The following RYR2 variants were observed in gnomAD, a reference collection of about 807,000 sequenced individuals.
RYR2 encodes ryanodine receptor 2.
In RYR2, 227 loss-of-function variants were observed where a neutral mutation model predicts 601.1. The ratio of observed to expected loss-of-function variants is 0.38; its 90% confidence interval spans 0.34 to 0.42. The LOEUF (loss-of-function observed/expected upper bound fraction) is 0.42. Ranked by LOEUF, RYR2 falls within the 10% of genes least tolerant of loss-of-function variation. The pLI is 1.00. For missense variants in RYR2, 4,646 were observed against 6,156.5 expected, an observed-to-expected ratio of 0.75 and a Z score of 8.21; for synonymous variants, 2,223 against 2,175.1, an observed-to-expected ratio of 1.02 and a Z score of -0.61.
chr1:237,167,613 T>A (rs1227676979), intron 1 of RYR2, among the ~76,000 whole-genome samples: 1 of 152,058 alleles, frequency 6.6e-6, no homozygotes, highest in Admixed American at 6.6e-5. Context: ...CTTTAAAAAA[T>A]TTTTTTGGAA....
At chr1:237,461,164 A>G (rs1448999672) in intron 16 of RYR2, among the ~76,000 whole-genome samples, 1 of 152,230 alleles carries the variant, frequency 6.6e-6, no homozygotes, top group Admixed American at 6.5e-5. Context: ...CTTTATCACT[A>G]TCCCCAGACT....
chr1:237,745,183 A>G (rs1219681679), intron 80 of RYR2, among the ~76,000 whole-genome samples: 1 of 152,158 alleles, frequency 6.6e-6, no homozygotes, highest in South Asian at 2.1e-4. Context: ...TTCAAAATGT[A>G]AATCATGTAT....
chr1:237,648,943 A>G (rs911164955), intron 49 of RYR2, among the ~76,000 whole-genome samples: 1 of 152,240 alleles, frequency 6.6e-6, no homozygotes, highest in African/African-American at 2.4e-5. Context: ...TCTGTTCAGT[A>G]TCAACTTCCA....
chr1:237,591,169 TCCTCCTCCCCCTTCTCCTCCTCCCCCTTC>T (rs1675146429), intron 31 of RYR2, among the ~76,000 whole-genome samples, 177 bp downstream of exon 31: 1 of 3,946 alleles, frequency 2.5e-4, no homozygotes, highest in Non-Finnish European at 1.5e-3. Flanking sequence ...TTCCCCCTTC[TCCTCCTCCCCCTTCTCCTCCTCCCCCTTC>T]TCCTCCTCCC....
chr1:237,622,941 C>G (rs1201412409), intron 38 of RYR2, among the ~76,000 whole-genome samples: 1 of 152,132 alleles, frequency 6.6e-6, no homozygotes, highest in African/African-American at 2.4e-5. Context: ...CTTCCGGCCC[C>G]AAGCATTTCA....
chr1:237,792,358 TGTGTGTGTGTGTGTGTGTGTGTGC>T (rs753096298), intron 94 of RYR2, 35 bp downstream of exon 94: 48 of 708,100 alleles, frequency 6.8e-5, no homozygotes, highest in African/African-American at 5.5e-4. Context: ...CCTGTGTGTG[TGTGTGTGTGTGTGTGTGTGTGTGC>T]GTGTGTGTGT....
intron 2 of RYR2, among the ~76,000 whole-genome samples, chr1:237,313,960 T>G (rs1255890084): frequency 1.6e-5 from 1 of 64,422 alleles, no homozygotes. Context: ...TTCAGGTGTT[T>G]TTTTTTTTTT....
chr1:237,505,008 A>G (rs1665071682), intron 22 of RYR2, among the ~76,000 whole-genome samples: 2 of 152,194 alleles, frequency 1.3e-5, no homozygotes, highest in African/African-American at 2.4e-5. Context: ...TGGAGTTTTC[A>G]ATTTCTTCTC....
At chr1:237,726,621 TG>T (rs1418252024) in intron 75 of RYR2, among the ~76,000 whole-genome samples, 1 of 152,122 alleles carries the variant, frequency 6.6e-6, no homozygotes, top group African/African-American at 2.4e-5. Context: ...TGTCTCTTTT[TG>T]TGTTTATTAC....
In RYR2 at chr1:237,270,584, C is replaced by A. The variant is rs200643211; in HGVS notation, c.136C>A (p.Leu46Ile). 2 of 1,594,368 alleles carry A rather than the reference C, an allele frequency of 1.3e-6. No individual in the cohort carries two copies. Among genetic ancestry groups the A allele is most frequent in the Non-Finnish European group, 1.7e-6 (2 of 1,169,884 alleles). The change falls in exon 2 of 105, where the codon CTT becomes ATT. Residue 46 changes from leucine to isoleucine, a missense_variant. Leu to Ile is a conservative substitution (Grantham distance 5, BLOSUM62 2). This residue lies in a region of RYR2 where 153 missense variants were observed against 203.6 expected (regional missense o/e 0.75). Coordinates refer to ENST00000366574, the MANE Select transcript of RYR2 (RefSeq NM_001035.3). ...GGCAGCAGAAGGATTTGGCAACAGA[C>A]TTTGTTTCTTGGAGTCCACTTCCAA... is the stretch of plus-strand genomic sequence containing the variant. ...CLAAEGFGNRLCFLESTSNSK... is the reference protein window; with the variant it reads ...CLAAEGFGNRICFLESTSNSK...
At position 237,106,455 on chromosome 1, in the gene RYR2, G is replaced by A. The variant is rs1668695124; in HGVS notation, c.48+63886G>A. On this transcript the variant is annotated intron_variant, in intron 1 of 104. Coordinates refer to ENST00000366574, the MANE Select transcript of RYR2 (RefSeq NM_001035.3). The surrounding 1 kb of genome is among the most constrained non-coding windows in gnomAD (Gnocchi z 4.4). ...GAAGGGGAGTCCGGATCATCCCAAGGTTTCTGGCAGACAGATGATGTTTCA... is the reference window on the plus strand; with the variant it reads ...GAAGGGGAGTCCGGATCATCCCAAGATTTCTGGCAGACAGATGATGTTTCA... Among the ~76,000 whole-genome samples, 1 of 152,156 alleles carries A rather than the reference G, an allele frequency of 6.6e-6. No homozygotes were observed. The highest frequency in any genetic ancestry group is 2.1e-4 in the South Asian group (1 of 4,822).
At position 237,614,176 on chromosome 1, in the gene RYR2, C is replaced by T. The variant is rs1294216375; in HGVS notation, c.5048C>T (p.Pro1683Leu). Residue 1683 changes from proline (P) to leucine (L), a missense_variant, in exon 37 of 105, where the codon CCT becomes CTT. By Grantham distance (98) the Pro-to-Leu change is moderately conservative (BLOSUM62 -3). Around this residue, in one of 17 missense-constraint regions of RYR2, gnomAD observed 1,807 missense variants for 2,088.1 expected, o/e 0.87. Transcript: ENST00000366574. The surrounding 1 kb of genome is among the most constrained non-coding windows in gnomAD (Gnocchi z 4.3). ...AHALCSHVDE[P>L]QLLYAIENKY... ...GCCCTGTGCAGCCATGTGGATGAACCTCAGCTCCTCTATGCCATTGAGAAC... is the reference window on the plus strand; with the variant it reads ...GCCCTGTGCAGCCATGTGGATGAACTTCAGCTCCTCTATGCCATTGAGAAC... The T allele has an allele frequency of 1.9e-6, 3 of 1,613,908 alleles. No homozygotes were observed. The highest frequency in any genetic ancestry group is 1.3e-5 in the African/African-American group (1 of 74,926).
intron 1 of RYR2, among the ~76,000 whole-genome samples, chr1:237,254,001 G>A (rs911753265): frequency 6.6e-6 from 1 of 152,178 alleles, no homozygotes; most frequent in Non-Finnish European, 1.5e-5. Flanking sequence ...TGAACTGATA[G>A]ATAAATGTTA....
chr1:237,568,738 T>C (rs1028056771), intron 28 of RYR2, among the ~76,000 whole-genome samples: 2 of 152,182 alleles, frequency 1.3e-5, no homozygotes, highest in African/African-American at 4.8e-5. Flanking sequence ...CTTGATTCCC[T>C]AGCTCATAAT....
chr1:237,227,432 A>C (rs6683160), intron 1 of RYR2, among the ~76,000 whole-genome samples: 47,576 of 152,048 alleles, frequency 0.31, 8,241 homozygotes, highest in East Asian at 0.41. Context: ...ATAAAAATTT[A>C]TTTACAAAAA....
intron 1 of RYR2, among the ~76,000 whole-genome samples, chr1:237,235,010 G>A (rs1341525738): frequency 1.3e-5 from 2 of 152,166 alleles, no homozygotes; most frequent in Non-Finnish European, 2.9e-5. Flanking sequence ...CCCCCCTGGG[G>A]TTCAGGGTCC....
intron 27 of RYR2, among the ~76,000 whole-genome samples, chr1:237,562,530 G>C (rs1044270687): frequency 6.6e-6 from 1 of 152,088 alleles, no homozygotes; most frequent in African/African-American, 2.4e-5. Context: ...GGGAGGTACG[G>C]GGAGCACAGT....
At chr1:237,681,211 C>A (rs903329114) in intron 62 of RYR2, among the ~76,000 whole-genome samples, 5 of 152,110 alleles carry the variant, frequency 3.3e-5, no homozygotes, top group African/African-American at 1.2e-4. Context: ...TATTACATTG[C>A]CCAAAAGTCC....
intron 1 of RYR2, among the ~76,000 whole-genome samples, chr1:237,099,767 G>A (rs1037247762): frequency 1.3e-5 from 2 of 152,218 alleles, no homozygotes; most frequent in Non-Finnish European, 2.9e-5. Context: ...AGAAGGAAGA[G>A]GTGAGTATTG....
Sources: gnomAD v4.1 joint callset for allele counts (sites outside exome capture counted in the v4.1 genomes callset) on GRCh38, gnomAD v4.1.1 for gene constraint, gnomAD v4.1.1 regional missense constraint, Gnocchi (gnomAD v3.1) non-coding constraint, MANE v1.5 for transcripts, NCBI Gene and HGNC (gene_info 2026-07-23, HGNC 2026-07-21) for gene names.